RBFOX1: variants seen among roughly 807,000 people sequenced by gnomAD.
The protein encoded by RBFOX1 is RNA binding fox-1 homolog 1, also known as RNA binding protein fox-1 homolog 1.
Under a neutral mutation model 57.7 loss-of-function variants are expected in RBFOX1, and 8 were observed. The ratio of observed to expected loss-of-function variants is 0.14; its 90% CI spans 0.08 to 0.25. The LOEUF is 0.25. RBFOX1 is among the 10% of genes least tolerant of loss of function. The pLI is 1.00. For synonymous variants in RBFOX1, 326 were observed against 222.4 expected, an observed-to-expected ratio of 1.47 and a Z score of -4.15; for missense variants, 611 against 548.5, an observed-to-expected ratio of 1.11 and a Z score of -1.14.
intron 3 of RBFOX1, among the ~76,000 whole-genome samples, chr16:6,905,678 G>GA (rs756852439): frequency 6.6e-6 from 1 of 151,950 alleles, no homozygotes; most frequent in Non-Finnish European, 1.5e-5. Context: ...ACCAAAAGGG[G>GA]AAAAAAAGAC....
chr16:7,304,310 T>A (rs1447472567), intron 4 of RBFOX1: 1 of 982,602 alleles, frequency 1.0e-6, no homozygotes, highest in Non-Finnish European at 1.2e-6. Flanking sequence ...AAAAAAAAAT[T>A]GTAGCGCCCA....
chr16:7,295,699 T>G (rs1007021198), intron 4 of RBFOX1, among the ~76,000 whole-genome samples: 1 of 152,058 alleles, frequency 6.6e-6, no homozygotes, highest in African/African-American at 2.4e-5. Context: ...TTTTGCAGTC[T>G]CGCTGTTTGT....
chr16:6,470,991 C>G (rs2095161609), intron 2 of RBFOX1, among the ~76,000 whole-genome samples: 1 of 152,164 alleles, frequency 6.6e-6, no homozygotes, highest in Non-Finnish European at 1.5e-5. Context: ...TTCCAGTGTT[C>G]CTTTCTGCAC....
intron 4 of RBFOX1, among the ~76,000 whole-genome samples, chr16:5,982,465 G>C (rs2060193325): frequency 1.3e-5 from 2 of 152,000 alleles, no homozygotes; most frequent in Non-Finnish European, 2.9e-5. Context: ...TAGTAGAGAA[G>C]GGGTTTCGCC....
chr16:5,264,793 C>T lies in RBFOX1; in HGVS notation c.219+24688C>T, dbSNP rs184312026. Among the ~76,000 whole-genome samples the T allele has an allele frequency of 4.3e-3, 658 of 152,234 alleles. 6 individuals are homozygous for T. Among genetic ancestry groups the T allele is most frequent in the African/African-American group, 0.014 (589 of 41,542 alleles). The stretch of plus-strand genomic sequence containing the variant: ...AGGGCTCTCTAGCATTCTTCTCCCT[C>T]TGTTCCCTGCTTGGTGATACTCCAG... On this transcript the variant is annotated intron_variant, in intron 1 of 2. Coordinates refer to the RBFOX1 transcript ENST00000585867.
At chr16:5,859,319 G>A (rs1358515681) in intron 3 of RBFOX1, among the ~76,000 whole-genome samples, 1 of 152,190 alleles carries the variant, frequency 6.6e-6, no homozygotes, top group Non-Finnish European at 1.5e-5. Context: ...CTGTTACAGT[G>A]ATTACCTTGA....
chr16:6,931,342 C>CTCT (rs1567942388), intron 3 of RBFOX1, among the ~76,000 whole-genome samples: 30 of 110,336 alleles, frequency 2.7e-4, no homozygotes, highest in Non-Finnish European at 5.5e-4. Flanking sequence ...TCTATCTCTA[C>CTCT]ACACACACAC....
intron 5 of RBFOX1, among the ~76,000 whole-genome samples, chr16:7,578,168 A>G (rs532210253): frequency 6.6e-6 from 1 of 152,240 alleles, no homozygotes; most frequent in South Asian, 2.1e-4. Flanking sequence ...CCATTTATTG[A>G]ATACATACCA....
intron 8 of RBFOX1, among the ~76,000 whole-genome samples, chr16:7,596,352 G>T (rs967209903): frequency 2.6e-5 from 4 of 151,474 alleles, no homozygotes; most frequent in Admixed American, 1.3e-4. Flanking sequence ...ATAGCCACAG[G>T]GTCATATTTG....
chr16:5,758,275 G>A (rs962256017), intron 3 of RBFOX1, among the ~76,000 whole-genome samples: 1 of 152,100 alleles, frequency 6.6e-6, no homozygotes. Context: ...GCGGTATTGT[G>A]GTATTTATCC....
intron 5 of RBFOX1, among the ~76,000 whole-genome samples, chr16:7,567,304 TATATATATATA>T (rs1219086917): frequency 0.025 from 57 of 2,318 alleles, 6 homozygotes; most frequent in African/African-American, 0.047. Context: ...TATATGGCCC[TATATATATATA>T]TATATATCTC....
At chr16:7,144,802 C>A (rs188735312) in intron 4 of RBFOX1, among the ~76,000 whole-genome samples, 1 of 152,122 alleles carries the variant, frequency 6.6e-6, no homozygotes, top group Non-Finnish European at 1.5e-5. Context: ...GCAAATCAAG[C>A]TATGGAATAA....
chr16:5,479,147 G>A (rs1245504203), intron 2 of RBFOX1, among the ~76,000 whole-genome samples: 2 of 152,178 alleles, frequency 1.3e-5, no homozygotes, highest in African/African-American at 2.4e-5. Flanking sequence ...TGTCGCCTTT[G>A]CAGAGAGACT....
chr16:7,393,200 G>A (rs2098073751), intron 4 of RBFOX1, among the ~76,000 whole-genome samples: 1 of 152,016 alleles, frequency 6.6e-6, no homozygotes, highest in Admixed American at 6.6e-5. Flanking sequence ...ATTGCTCCTT[G>A]CATATAGTCA....
At chr16:7,141,279 A>T (rs1014612198) in intron 4 of RBFOX1, among the ~76,000 whole-genome samples, 1 of 152,146 alleles carries the variant, frequency 6.6e-6, no homozygotes, top group South Asian at 2.1e-4. Context: ...GCATCTATTC[A>T]CACCCAATAT....
intron 3 of RBFOX1, among the ~76,000 whole-genome samples, chr16:7,045,746 C>T (rs563197075): frequency 6.6e-6 from 1 of 152,094 alleles, no homozygotes; most frequent in Non-Finnish European, 1.5e-5. Context: ...ACCTCTGCCA[C>T]CCAGGTTCAA....
intron 1 of RBFOX1, among the ~76,000 whole-genome samples, chr16:5,419,947 G>C (rs1300121710): frequency 6.6e-6 from 1 of 152,128 alleles, no homozygotes; most frequent in Non-Finnish European, 1.5e-5. Flanking sequence ...TGAGCTTGGA[G>C]GCAGGGTCTT....
At chr16:6,148,361 G>A (rs1296568088) in intron 1 of RBFOX1, among the ~76,000 whole-genome samples, 2 of 152,268 alleles carry the variant, frequency 1.3e-5, no homozygotes, top group South Asian at 4.1e-4. Context: ...CAATGTGCTG[G>A]TCATACTTCC....
intron 4 of RBFOX1, among the ~76,000 whole-genome samples, chr16:7,095,017 A>C (rs1272844042): frequency 3.3e-5 from 5 of 152,186 alleles, no homozygotes; most frequent in Non-Finnish European, 7.4e-5. Flanking sequence ...TTTTACTCTT[A>C]CAGAGTGATT....
Sources: allele counts gnomAD v4.1 joint callset (sites outside exome capture counted in the v4.1 genomes callset), GRCh38; gene constraint gnomAD v4.1.1; transcripts MANE v1.5; gene names NCBI Gene and HGNC (gene_info 2026-07-23, HGNC 2026-07-21).